The following ZMAT4 variants were observed in gnomAD, a reference collection of about 807,000 sequenced individuals.
ZMAT4 encodes zinc finger matrin-type 4.
Under a neutral mutation model 28.7 loss-of-function variants are expected in ZMAT4, and 17 were observed. The ratio of observed to expected loss-of-function variants is 0.59; its 90% CI spans 0.41 to 0.89. ZMAT4 has a LOEUF of 0.89. ZMAT4 is among the 40% of genes least tolerant of loss of function. The pLI is 0.00. For missense variants in ZMAT4, 240 were observed against 283.8 expected (o/e 0.85, Z 1.11); for synonymous variants, 117 against 109.2 (o/e 1.07, Z -0.44).
chr8:40,588,097 C>T (rs1804729070), intron 5 of ZMAT4, among the ~76,000 whole-genome samples: 1 of 151,814 alleles, frequency 6.6e-6, no homozygotes, highest in Non-Finnish European at 1.5e-5. Context: ...CTTAAGAGTG[C>T]CTTCCAATGC....
chr8:40,776,667 T>C (rs909700621), intron 2 of ZMAT4, among the ~76,000 whole-genome samples: 1 of 152,016 alleles, frequency 6.6e-6, no homozygotes, highest in African/African-American at 2.4e-5. Context: ...AAGTTAAAGG[T>C]AGGGATAAGA....
chr8:40,897,213 G>A (rs1206260339), intron 1 of ZMAT4, among the ~76,000 whole-genome samples: 1 of 152,116 alleles, frequency 6.6e-6, no homozygotes, highest in African/African-American at 2.4e-5. Flanking sequence ...GAAGTTTGAG[G>A]AAGGACTCCA....
chr8:40,609,367 T>A (rs1161892210), intron 5 of ZMAT4, among the ~76,000 whole-genome samples: 2 of 152,164 alleles, frequency 1.3e-5, no homozygotes, highest in African/African-American at 4.8e-5. Flanking sequence ...AGCTACTGTT[T>A]CAATCCACTG....
At chr8:40,743,092 C>T (rs751215644) in intron 3 of ZMAT4, among the ~76,000 whole-genome samples, 2 of 151,860 alleles carry the variant, frequency 1.3e-5, no homozygotes, top group African/African-American at 4.8e-5. Flanking sequence ...GTGGCAGGCA[C>T]CTATAATCCC....
chr8:40,854,146 G>A (rs1817213661), intron 1 of ZMAT4, among the ~76,000 whole-genome samples: 1 of 152,036 alleles, frequency 6.6e-6, no homozygotes, highest in African/African-American at 2.4e-5. Flanking sequence ...TTCCCACCAG[G>A]CGCCACCTCC....
chr8:40,754,983 C>T (rs1563460267), intron 3 of ZMAT4, among the ~76,000 whole-genome samples: 1 of 151,954 alleles, frequency 6.6e-6, no homozygotes, highest in Non-Finnish European at 1.5e-5. Flanking sequence ...TCCATCCAGC[C>T]TGAGCAACAG....
Position 40,672,950 on chromosome 8 carries a change from T to G in ZMAT4, c.577+1754A>C, listed in dbSNP as rs368345438. On this transcript the variant is annotated intron_variant, in intron 5 of 6. Coordinates refer to ENST00000297737, the MANE Select transcript of ZMAT4 (RefSeq NM_024645.3). ...AATAGGAAGCACCAAGTTGCTTTTC[T>G]GTAGCTAGAACACATACACATAAAT... 6.9e-4 allele frequency among the ~76,000 whole-genome samples: 105 copies of G among 152,304 alleles called. 4 individuals carry two copies. In the South Asian group the frequency reaches 0.021, roughly 30 times the overall value.
At chr8:40,556,778 G>T (rs539202820) in intron 6 of ZMAT4, among the ~76,000 whole-genome samples, 1 of 152,212 alleles carries the variant, frequency 6.6e-6, no homozygotes, top group Non-Finnish European at 1.5e-5. Flanking sequence ...TAATGATCAG[G>T]TCAGAGTACT....
chr8:40,793,826 C>T lies in ZMAT4; in HGVS notation c.103-26096G>A, dbSNP rs528028464. ...AATCCATCTGAATTCCTCTTGTCAC[C>T]TTCTTCAGGAAAAGTGTGACGGACT... On this transcript the variant is annotated intron_variant, in intron 2 of 6. Coordinates refer to ENST00000297737, the MANE Select transcript of ZMAT4 (RefSeq NM_024645.3). 4.2e-4 allele frequency among the ~76,000 whole-genome samples: 64 copies of T among 152,254 alleles called. 1 individual carries two copies. In the South Asian group the frequency reaches 0.013, roughly 32 times the overall value.
At chr8:40,567,387 A>G (rs1563343457) in intron 6 of ZMAT4, among the ~76,000 whole-genome samples, 1 of 152,170 alleles carries the variant, frequency 6.6e-6, no homozygotes, top group Non-Finnish European at 1.5e-5. Flanking sequence ...TTCTGGTTAC[A>G]TCTGGCTATT....
At chr8:40,780,739 T>A (rs1353278030) in intron 2 of ZMAT4, among the ~76,000 whole-genome samples, 1 of 152,162 alleles carries the variant, frequency 6.6e-6, no homozygotes, top group Non-Finnish European at 1.5e-5. Context: ...GTTTAATAGA[T>A]GAAAACCCAT....
intron 5 of ZMAT4, among the ~76,000 whole-genome samples, chr8:40,643,496 C>T (rs541701470): frequency 1.3e-5 from 2 of 152,184 alleles, no homozygotes; most frequent in East Asian, 1.9e-4. Context: ...ACTTCTTTAG[C>T]GCATATCAAG....
intron 3 of ZMAT4, among the ~76,000 whole-genome samples, chr8:40,737,216 AT>A (rs1006709376): frequency 6.4e-4 from 95 of 148,428 alleles, no homozygotes; most frequent in East Asian, 1.6e-3. Flanking sequence ...TTTTTTTGCG[AT>A]TTTTTTTTTT....
chr8:40,770,152 G>T (rs1179054017), intron 2 of ZMAT4, among the ~76,000 whole-genome samples: 1 of 152,086 alleles, frequency 6.6e-6, no homozygotes, highest in Non-Finnish European at 1.5e-5. Context: ...GATGGCGGAG[G>T]CATCCTAGTT....
At chr8:40,707,222 A>ACCCCCCCCCC (rs71224847) in intron 3 of ZMAT4, among the ~76,000 whole-genome samples, 1 of 91,398 alleles carries the variant, frequency 1.1e-5, no homozygotes, top group Non-Finnish European at 2.1e-5. Context: ...CTGCCCCCCC[A>ACCCCCCCCCC]CCCCCCCACC....
chr8:40,698,173 G>A (rs536317570), intron 3 of ZMAT4, among the ~76,000 whole-genome samples: 4 of 152,250 alleles, frequency 2.6e-5, no homozygotes, highest in African/African-American at 9.6e-5. Context: ...GATTTTCTGG[G>A]AGAGTTTGTG....
At chr8:40,583,372 A>C (rs1804557173) in intron 5 of ZMAT4, among the ~76,000 whole-genome samples, 1 of 152,148 alleles carries the variant, frequency 6.6e-6, no homozygotes, top group African/African-American at 2.4e-5. Context: ...CCCTGTATGA[A>C]AGAAGCTGAT....
rs796631545 is a variant in ZMAT4 at position 40,627,423 on chromosome 8, CAT to C, written c.578-46164_578-46163del. On this transcript the variant is annotated intron_variant, in intron 5 of 6. Coordinates refer to ENST00000297737, the MANE Select transcript of ZMAT4 (RefSeq NM_024645.3). The stretch of plus-strand genomic sequence containing the variant: ...ACACATACACACAAACGTGTATATA[CAT>C]ATATGTGTTCATGTGCATATATATA... 7.9e-5 allele frequency among the ~76,000 whole-genome samples: 12 copies of C among 152,236 alleles called. 1 individual carries two copies. Among genetic ancestry groups the C allele is most frequent in the African/African-American group, 2.9e-4 (12 of 41,542 alleles).
chr8:40,643,833 A>G (rs1225852983), intron 5 of ZMAT4, among the ~76,000 whole-genome samples: 1 of 152,036 alleles, frequency 6.6e-6, no homozygotes, highest in Non-Finnish European at 1.5e-5. Flanking sequence ...GGAAAAAAAA[A>G]CTATGCAAAG....
Sources: gnomAD v4.1 joint callset for allele counts (sites outside exome capture counted in the v4.1 genomes callset) on GRCh38, gnomAD v4.1.1 for gene constraint, MANE v1.5 for transcripts, NCBI Gene and HGNC (gene_info 2026-07-23, HGNC 2026-07-21) for gene names.